Variants in ZNF280D observed in about 807,000 individuals in gnomAD.
ZNF280D encodes zinc finger protein 280D, also known as suppressor of hairy wing homolog 4.
ZNF280D carries 39 observed loss-of-function variants against 94.7 expected under a neutral mutation model. That is an observed-to-expected ratio of 0.41 (90% CI 0.32 to 0.54). ZNF280D has a LOEUF of 0.54. ZNF280D is among the 20% of genes least tolerant of loss of function. ZNF280D has a pLI of 0.22. For missense variants in ZNF280D, 1,090 were observed against 1,149.3 expected, an observed-to-expected ratio of 0.95 and a Z score of 0.75; for synonymous variants, 398 against 377.6, an observed-to-expected ratio of 1.05 and a Z score of -0.63.
chr15:56,723,061 C>G (rs923912824), intron 1 of ZNF280D, among the ~76,000 whole-genome samples: 1 of 132,776 alleles, frequency 7.5e-6, no homozygotes, highest in Non-Finnish European at 1.5e-5. Context: ...GGGAACATCA[C>G]ACTCTGGGGA....
At chr15:56,692,341 GA>G in intron 7 of ZNF280D, among the ~76,000 whole-genome samples, 1 of 151,918 alleles carries the variant, frequency 6.6e-6, no homozygotes, top group Non-Finnish European at 1.5e-5. Flanking sequence ...TCTCCGCACT[GA>G]TTTGCTAGTA....
chr15:56,634,793 T>C (rs2052269384), intron 21 of ZNF280D, among the ~76,000 whole-genome samples: 1 of 152,124 alleles, frequency 6.6e-6, no homozygotes, highest in Non-Finnish European at 1.5e-5. Flanking sequence ...TCCTACCATA[T>C]AAGTAGTCTT....
intron 19 of ZNF280D, among the ~76,000 whole-genome samples, chr15:56,645,921 A>G (rs747686080): frequency 1.3e-5 from 2 of 152,182 alleles, no homozygotes; most frequent in Non-Finnish European, 2.9e-5. Context: ...CACTATAAAC[A>G]TACCATGGGG....
chr15:56,691,241 T>C (rs1409370158), intron 7 of ZNF280D, among the ~76,000 whole-genome samples: 1 of 152,210 alleles, frequency 6.6e-6, no homozygotes, highest in African/African-American at 2.4e-5. Context: ...AAGAGTATTA[T>C]ACTACTTGGC....
intron 19 of ZNF280D, chr15:56,645,196 C>T (rs2052819367): frequency 6.6e-6 from 1 of 152,108 alleles, no homozygotes; most frequent in Admixed American, 6.5e-5. Flanking sequence ...CATTCAATTA[C>T]TTTGGTAGAA....
intron 1 of ZNF280D, among the ~76,000 whole-genome samples, chr15:56,710,168 C>T (rs796774518): frequency 9.5e-4 from 144 of 152,252 alleles, no homozygotes; most frequent in Middle Eastern, 3.4e-3. Flanking sequence ...TTTGGGAGGC[C>T]GAGGCGGGTG....
chr15:56,694,035 C>A (rs763135569), intron 6 of ZNF280D, among the ~76,000 whole-genome samples: 3 of 152,044 alleles, frequency 2.0e-5, no homozygotes, highest in Non-Finnish European at 2.9e-5. Flanking sequence ...TTGGGGCCAG[C>A]TGTCCTGCTC....
At chr15:56,654,326 G>T in intron 18 of ZNF280D, 59 bp downstream of exon 18, 1 of 1,595,600 alleles carries the variant, frequency 6.3e-7, no homozygotes. Flanking sequence ...TATTGTGGAT[G>T]ACCAAAAATA....
intron 10 of ZNF280D, 128 bp downstream of exon 10, chr15:56,682,126 C>T (rs2055660711): frequency 1.6e-6 from 1 of 642,364 alleles, no homozygotes. Context: ...GAGAATCCGC[C>T]TTTATTCTCA....
intron 20 of ZNF280D, among the ~76,000 whole-genome samples, chr15:56,638,667 G>A (rs1429051048): frequency 1.3e-5 from 2 of 151,834 alleles, no homozygotes; most frequent in African/African-American, 4.8e-5. Context: ...TTGGAAAATA[G>A]TTATTTTTCA....
In ZNF280D at chr15:56,666,835, T is replaced by A; in HGVS notation, c.1697A>T (p.Asn566Ile). ...NPAKSNTSKPNTVKSNASKPN... is the reference protein window; with the variant it reads ...NPAKSNTSKPITVKSNASKPN... ...TTTACTTGCGTTGGATTTGACTGTA[T>A]TAGGTTTACTTGTATTAGATTTTGC... The change falls in exon 15 of 22, where the codon AAT (asparagine) becomes ATT (isoleucine). Residue 566 changes from asparagine to isoleucine, a missense_variant. By Grantham distance (149) the Asn-to-Ile change is moderately radical. Around this residue, in one of 3 missense-constraint regions of ZNF280D, gnomAD observed 577 missense variants for 568.8 expected, o/e 1.01. Coordinates refer to ENST00000267807, the MANE Select transcript of ZNF280D (RefSeq NM_017661.4). 1 of 1,613,964 alleles carries A rather than the reference T, an allele frequency of 6.2e-7. No homozygotes were observed. Among genetic ancestry groups the A allele is most frequent in the Non-Finnish European group, 8.5e-7 (1 of 1,179,912 alleles).
At chr15:56,703,085 T>C (rs2141210279) in intron 4 of ZNF280D, among the ~76,000 whole-genome samples, 1 of 152,324 alleles carries the variant, frequency 6.6e-6, no homozygotes, top group South Asian at 2.1e-4. Context: ...TTCTCTGCAC[T>C]GTCATACATT....
rs567297320 is a variant in ZNF280D, at chr15:56,731,937, A to C, written c.-86+1521T>G. 2.6e-5 allele frequency among the ~76,000 whole-genome samples: 4 copies of C among 152,330 alleles called. No homozygotes were observed. The South Asian group carries it at 8.3e-4, about 32-fold the overall frequency. On this transcript the variant is annotated intron_variant, in intron 1 of 21. Transcript: ENST00000267807. ...CCTGTAATCCCAGCTACGGAGGCTG[A>C]GGTGAGAGGTCAGCTTGAGCCCAGG...
intron 19 of ZNF280D, among the ~76,000 whole-genome samples, chr15:56,649,027 A>C (rs564140237): frequency 8.5e-4 from 129 of 152,318 alleles, no homozygotes; most frequent in Middle Eastern, 3.4e-3. Context: ...CATTTTAGAT[A>C]GACAGAAGAA....
At chr15:56,639,355 C>A (rs1399644889) in intron 20 of ZNF280D, among the ~76,000 whole-genome samples, 5 of 150,428 alleles carry the variant, frequency 3.3e-5, no homozygotes, top group Admixed American at 2.7e-4. Flanking sequence ...ATAGGAGTTT[C>A]TTAAAAAAAG....
chr15:56,700,855 G>T, intron 6 of ZNF280D, 78 bp downstream of exon 6: 1 of 1,610,476 alleles, frequency 6.2e-7, no homozygotes, highest in East Asian at 2.2e-5. Context: ...GTCCAGAATT[G>T]TAACTGGGTA....
intron 19 of ZNF280D, among the ~76,000 whole-genome samples, chr15:56,644,366 A>T (rs77582535): frequency 0.021 from 3,218 of 152,210 alleles, 43 homozygotes; most frequent in Non-Finnish European, 0.033. Context: ...AGTATAAAGG[A>T]AAATAAGTTT....
chr15:56,729,822 A>G (rs1462061114), intron 1 of ZNF280D: 1 of 152,252 alleles, frequency 6.6e-6, no homozygotes, highest in Non-Finnish European at 1.5e-5. Flanking sequence ...TTGTACAGAT[A>G]CAGAAACTCA....
intron 1 of ZNF280D, among the ~76,000 whole-genome samples, chr15:56,720,514 A>C (rs937354912): frequency 1.3e-5 from 2 of 152,112 alleles, no homozygotes; most frequent in Admixed American, 1.3e-4. Context: ...TCCTCCATCA[A>C]TCACAAATGA....
Sources: gnomAD v4.1 joint callset for allele counts (sites outside exome capture counted in the v4.1 genomes callset) on GRCh38, gnomAD v4.1.1 for gene constraint, gnomAD v4.1.1 regional missense constraint, MANE v1.5 for transcripts, NCBI Gene and HGNC (gene_info 2026-07-23, HGNC 2026-07-21) for gene names.